Variants in RUVBL1 observed in about 807,000 individuals in gnomAD.
The protein encoded by RUVBL1 is RuvB like AAA ATPase 1.
In RUVBL1, 4 loss-of-function variants were observed where a neutral mutation model predicts 52.4. The observed-to-expected ratio is 0.08, with a 90% CI of 0.04 to 0.17. RUVBL1 has a LOEUF of 0.17. Among genes scored for constraint, RUVBL1 ranks in the 10% least tolerant of loss-of-function variants. The pLI, the probability that RUVBL1 is intolerant of heterozygous loss-of-function variation, is 1.00. For missense variants in RUVBL1, 298 were observed against 572.8 expected, an observed-to-expected ratio of 0.52 and a Z score of 4.90; for synonymous variants, 217 against 214.4, an observed-to-expected ratio of 1.01 and a Z score of -0.10.
chr3:128,097,274 T>C lies in RUVBL1; in HGVS notation c.1016+26A>G, dbSNP rs1474825354. 4 of 1,606,454 alleles carry C rather than the reference T, an allele frequency of 2.5e-6. No individual in the cohort carries two copies. In the African/African-American group the frequency reaches 4.0e-5, roughly 16 times the overall value. ...AGCCCAGATGGAAGTTAAAAAAGCC[T>C]TGTGGCTGGCAGGCAGCCATCCTAC... On this transcript the variant is annotated intron_variant, in intron 8 of 10. Transcript: ENST00000322623.
intron 1 of RUVBL1, among the ~76,000 whole-genome samples, chr3:128,143,636 G>C (rs1944063918): frequency 6.6e-6 from 1 of 152,222 alleles, no homozygotes; most frequent in South Asian, 2.1e-4. Flanking sequence ...CCAGATTTCA[G>C]TCCAGTGGCA....
intron 1 of RUVBL1, among the ~76,000 whole-genome samples, chr3:128,152,791 T>C (rs931302119): frequency 1.3e-5 from 2 of 150,124 alleles, no homozygotes; most frequent in South Asian, 2.1e-4. Flanking sequence ...GCAAGATTTA[T>C]TGTGAAGAGC....
chr3:128,101,787 G>A (rs1461359807), intron 4 of RUVBL1, 139 bp from the exon 5 acceptor site: 3 of 765,194 alleles, frequency 3.9e-6, no homozygotes, highest in Admixed American at 2.0e-5. Flanking sequence ...CATGAATACT[G>A]GGACCTGCAG....
intron 9 of RUVBL1, chr3:128,068,940 C>T (rs1942067583): frequency 6.6e-6 from 1 of 152,250 alleles, no homozygotes; most frequent in Non-Finnish European, 1.5e-5. Flanking sequence ...CAGGAAAAGC[C>T]AGAATTGCAA....
At chr3:128,108,483 T>G (rs1943299684) in intron 3 of RUVBL1, among the ~76,000 whole-genome samples, 1 of 152,148 alleles carries the variant, frequency 6.6e-6, no homozygotes, top group Admixed American at 6.5e-5. Flanking sequence ...AAAGCCAGTT[T>G]TCACAGATTT....
chr3:128,151,383 T>C lies in RUVBL1; in HGVS notation c.-40+1820A>G, dbSNP rs143441366. On this transcript the variant is annotated intron_variant, in intron 1 of 9. Coordinates refer to the RUVBL1 transcript ENST00000464873. ...CCCAGCCAAACCTTTTTTCTTTTCA[T>C]TACCATTTCAGGATTCTGTTTAAAA... Among the ~76,000 whole-genome samples the C allele has an allele frequency of 7.1e-4, 107 of 151,272 alleles. 1 individual carries two copies. In the East Asian group the frequency reaches 0.019, roughly 27 times the overall value.
intron 1 of RUVBL1, among the ~76,000 whole-genome samples, chr3:128,150,873 T>TTCTATATATATAATATA (rs1324042453): frequency 0.048 from 3,627 of 75,634 alleles, 217 homozygotes; most frequent in African/African-American, 0.084. Flanking sequence ...ATTATATATA[T>TTCTATATATATAATATA]ATATTCTATA....
chr3:128,148,083 C>G (rs1487314451), intron 1 of RUVBL1, among the ~76,000 whole-genome samples: 3 of 151,548 alleles, frequency 2.0e-5, no homozygotes, highest in Admixed American at 6.6e-5. Flanking sequence ...AACTATCTGC[C>G]AGAGGTTAAA....
intron 1 of RUVBL1, among the ~76,000 whole-genome samples, chr3:128,148,672 A>G (rs969482720): frequency 1.2e-4 from 18 of 152,268 alleles, no homozygotes; most frequent in African/African-American, 4.3e-4. Flanking sequence ...GAGCCCTGGG[A>G]CCTTCTTGTG....
intron 7 of RUVBL1, 76 bp from the exon 8 acceptor site, chr3:128,097,574 A>G (rs1943013000): frequency 2.3e-6 from 3 of 1,332,218 alleles, no homozygotes; most frequent in African/African-American, 1.4e-5. Flanking sequence ...CTCCACCTGA[A>G]TTCAATCCAA....
chr3:128,069,355 T>C (rs769668191), intron 9 of RUVBL1: 13 of 931,836 alleles, frequency 1.4e-5, no homozygotes, highest in Non-Finnish European at 2.0e-5. Context: ...GATGACTTTC[T>C]AGGAGACAGC....
At chr3:128,113,091 G>C in intron 2 of RUVBL1, 71 bp from the exon 3 acceptor site, 1 of 1,533,208 alleles carries the variant, frequency 6.5e-7, no homozygotes, top group Non-Finnish European at 8.8e-7. Flanking sequence ...ACATGCTACA[G>C]AACCACCAGG....
At chr3:128,153,316 G>A in exon 1 of RUVBL1, 1 of 1,370,000 alleles carries the variant, frequency 7.3e-7, no homozygotes, top group Non-Finnish European at 9.3e-7. Flanking sequence ...GTGACCTCCA[G>A]TTCCTAGACC....
In RUVBL1 at chr3:128,082,471, G is replaced by T. The variant is rs1264217700; in HGVS notation, c.1211+12C>A. The T allele has an allele frequency of 1.9e-6, 3 of 1,610,534 alleles. No homozygotes were observed. The African/African-American group carries it at 4.0e-5, about 22-fold the overall frequency. Reference sequence around the variant, plus strand: ...CTGGGGAGGCCCCGGCGGGCCCAGGGTACCAGCTCACCTCAGTGTGGTCTT... The same window carrying T: ...CTGGGGAGGCCCCGGCGGGCCCAGGTTACCAGCTCACCTCAGTGTGGTCTT... On this transcript the variant is annotated intron_variant, in intron 10 of 10. Coordinates refer to ENST00000322623, the MANE Select transcript of RUVBL1 (RefSeq NM_003707.3). The surrounding 1 kb of genome is among the most constrained non-coding windows in gnomAD (Gnocchi z 4.7).
At chr3:128,078,950 T>C (rs9833276), downstream of RUVBL1, 35,455 of 152,086 alleles carry the variant, frequency 0.23, 4,183 homozygotes, top group South Asian at 0.27. Flanking sequence ...TCTCTCTGGG[T>C]ACCACCTCAG....
intron 3 of RUVBL1, among the ~76,000 whole-genome samples, chr3:128,109,155 C>T (rs986708196): frequency 3.3e-5 from 5 of 152,168 alleles, no homozygotes; most frequent in African/African-American, 1.2e-4. Flanking sequence ...AGGTGCTGGC[C>T]GTGCTCTGTT....
At chr3:128,077,184 C>A (rs1285384514), downstream of RUVBL1, among the ~76,000 whole-genome samples, 7 of 152,146 alleles carry the variant, frequency 4.6e-5, no homozygotes, top group African/African-American at 1.7e-4. Flanking sequence ...CCATTAATCA[C>A]CGTGCCTGCC....
chr3:128,067,406 TTTC>T lies in RUVBL1; in HGVS notation c.940-2189_940-2187del. The T allele has an allele frequency of 6.2e-7, 1 of 1,603,866 alleles. No homozygotes were observed. Among genetic ancestry groups the T allele is most frequent in the Non-Finnish European group, 8.5e-7 (1 of 1,176,098 alleles). The stretch of plus-strand genomic sequence containing the variant: ...TGAAGGAGCACTCACATGCGTTTGG[TTTC>T]TTCTTCCCCAGGACACGTCTTCTGG... On this transcript the variant is annotated intron_variant, in intron 9 of 9. Transcript: ENST00000464873. The surrounding 1 kb of genome is among the most constrained non-coding windows in gnomAD (Gnocchi z 4.1).
At chr3:128,129,112 AAT>A (rs1943838220) in intron 1 of RUVBL1, among the ~76,000 whole-genome samples, 1 of 152,126 alleles carries the variant, frequency 6.6e-6, no homozygotes, top group South Asian at 2.1e-4. Flanking sequence ...AGCCCAGTGC[AAT>A]GTAGCTTTTA....
Sources: allele counts gnomAD v4.1 joint callset (sites outside exome capture counted in the v4.1 genomes callset), GRCh38; gene constraint gnomAD v4.1.1; non-coding constraint Gnocchi (gnomAD v3.1); transcripts MANE v1.5; gene names NCBI Gene and HGNC (gene_info 2026-07-23, HGNC 2026-07-21).